The following GRIK4 variants were observed in gnomAD, a reference collection of about 807,000 sequenced individuals.
The protein encoded by GRIK4 is glutamate receptor ionotropic, kainate 4.
GRIK4 carries 40 observed loss-of-function variants against 104.9 expected under a neutral mutation model. That is an observed-to-expected ratio of 0.38 (90% CI 0.30 to 0.50). GRIK4 has a LOEUF of 0.50. Among genes scored for constraint, GRIK4 ranks in the 20% least tolerant of loss-of-function variants. GRIK4 has a pLI of 0.93. For synonymous variants in GRIK4, 485 were observed against 524.9 expected (o/e 0.92, Z 1.04); for missense variants, 1,047 against 1,308.1 (o/e 0.80, Z 3.08).
intron 3 of GRIK4, among the ~76,000 whole-genome samples, chr11:120,697,166 G>A (rs139726767): frequency 3.9e-5 from 6 of 152,184 alleles, no homozygotes; most frequent in African/African-American, 1.4e-4. Context: ...CATGAGTTAC[G>A]CAGTAGGTTC....
chr11:120,517,616 A>G (rs1438288761), intron 1 of GRIK4, among the ~76,000 whole-genome samples: 1 of 128,752 alleles, frequency 7.8e-6, no homozygotes, highest in Non-Finnish European at 1.7e-5. Context: ...GCTGAGTCAC[A>G]GTGGGCATCT....
intron 3 of GRIK4, among the ~76,000 whole-genome samples, chr11:120,788,395 A>AT (rs367825433): frequency 1.3e-5 from 2 of 152,268 alleles, no homozygotes; most frequent in African/African-American, 4.8e-5. Context: ...CACCAGCCAA[A>AT]AAGGCCAGGA....
chr11:120,566,973 T>A (rs1402029360), intron 1 of GRIK4, among the ~76,000 whole-genome samples: 3 of 138,142 alleles, frequency 2.2e-5, no homozygotes, highest in African/African-American at 9.1e-5. Context: ...TCCTAATTTT[T>A]TTTTTTTTTT....
At chr11:120,877,855 T>C (rs550478761) in intron 11 of GRIK4, among the ~76,000 whole-genome samples, 1 of 152,306 alleles carries the variant, frequency 6.6e-6, no homozygotes, top group African/African-American at 2.4e-5. Context: ...TCAGTCCTGC[T>C]TTGTGAGTGC....
chr11:120,788,275 T>TGGA (rs1952329166), intron 3 of GRIK4, among the ~76,000 whole-genome samples: 1 of 152,188 alleles, frequency 6.6e-6, no homozygotes, highest in African/African-American at 2.4e-5. Context: ...AGTGTTTTTC[T>TGGA]CTCACACATA....
intron 7 of GRIK4, among the ~76,000 whole-genome samples, chr11:120,832,594 A>G (rs1953458271): frequency 2.0e-5 from 3 of 152,176 alleles, no homozygotes; most frequent in Admixed American, 6.5e-5. Flanking sequence ...GGAGATGAAC[A>G]GATGCGTCCA....
At chr11:120,738,990 C>G (rs1313688319) in intron 3 of GRIK4, among the ~76,000 whole-genome samples, 4 of 152,126 alleles carry the variant, frequency 2.6e-5, no homozygotes, top group African/African-American at 9.7e-5. Context: ...AAGATCAGAG[C>G]CAAAAAGTTG....
chr11:120,849,098 G>T (rs534321071), intron 8 of GRIK4, among the ~76,000 whole-genome samples: 1 of 152,262 alleles, frequency 6.6e-6, no homozygotes, highest in South Asian at 2.1e-4. Flanking sequence ...CTGAGTTTGA[G>T]ATACTTGTGT....
rs930751718 is a variant in GRIK4 at position 120,952,681 on chromosome 11, G to A, written c.1591-174G>A. Among the ~76,000 whole-genome samples the A allele has an allele frequency of 9.2e-5, 14 of 152,180 alleles. No homozygotes were observed. The South Asian group carries it at 1.5e-3, about 16-fold the overall frequency. On this transcript the variant is annotated intron_variant, in intron 14 of 20. Coordinates refer to ENST00000527524, the MANE Select transcript of GRIK4 (RefSeq NM_014619.5). This position sits in a 1 kb window ranked among gnomAD's most constrained non-coding sequence, Gnocchi z 5.2. Reference sequence around the variant, plus strand: ...GTCAGGGCTGGGTCGTGTCATTTGCGCAGCCCGGCAACACCCTCATTCCCA... The same window carrying A: ...GTCAGGGCTGGGTCGTGTCATTTGCACAGCCCGGCAACACCCTCATTCCCA...
rs902702151 is a variant in GRIK4 at position 120,903,799 on chromosome 11, CCTCA to C, written c.1273-1487_1273-1484del. ...CTAACCTGTCAAAATGCTGAACAGC[CCTCA>C]CTCCTGTGGCACTCGCTCAGTCCTC... On this transcript the variant is annotated intron_variant, in intron 12 of 20. Coordinates refer to ENST00000527524, the MANE Select transcript of GRIK4 (RefSeq NM_014619.5). The surrounding 1 kb of genome is among the most constrained non-coding windows in gnomAD (Gnocchi z 4.4). Among the ~76,000 whole-genome samples the C allele has an allele frequency of 3.8e-4, 58 of 152,164 alleles. No homozygotes were observed. Among genetic ancestry groups the C allele is most frequent in the African/African-American group, 1.3e-3 (55 of 41,448 alleles).
At chr11:120,787,621 C>T (rs1175670780) in intron 3 of GRIK4, among the ~76,000 whole-genome samples, 1 of 151,104 alleles carries the variant, frequency 6.6e-6, no homozygotes, top group Non-Finnish European at 1.5e-5. Context: ...CTCCACCACG[C>T]CCAGCTAATT....
rs535922433 is a variant in GRIK4 at position 120,952,400 on chromosome 11, A to G, written c.1591-455A>G. On this transcript the variant is annotated intron_variant, in intron 14 of 20. Coordinates refer to ENST00000527524, the MANE Select transcript of GRIK4 (RefSeq NM_014619.5). The surrounding 1 kb of genome is among the most constrained non-coding windows in gnomAD (Gnocchi z 5.2). Reference sequence around the variant, plus strand: ...CTCACTGTGTGAGATCACCCTGCAAACAAAACCCAGAGACTCCGGTTGTAT... The same window carrying G: ...CTCACTGTGTGAGATCACCCTGCAAGCAAAACCCAGAGACTCCGGTTGTAT... 2.6e-5 allele frequency among the ~76,000 whole-genome samples: 4 copies of G among 152,308 alleles called. No homozygotes were observed. Among genetic ancestry groups the G allele is most frequent in the Admixed American group, 2.0e-4 (3 of 15,302 alleles).
intron 1 of GRIK4, among the ~76,000 whole-genome samples, chr11:120,582,708 G>A (rs769463575): frequency 1.3e-5 from 2 of 152,098 alleles, no homozygotes; most frequent in African/African-American, 4.8e-5. Context: ...TTATGGCTGC[G>A]TAGTATTCCA....
At chr11:120,761,784 C>T (rs746825633) in intron 3 of GRIK4, among the ~76,000 whole-genome samples, 1 of 151,738 alleles carries the variant, frequency 6.6e-6, no homozygotes, top group Non-Finnish European at 1.5e-5. Context: ...TTTCTGAGGC[C>T]TCTGTTCTGT....
intron 1 of GRIK4, among the ~76,000 whole-genome samples, chr11:120,567,280 C>T (rs1219334449): frequency 6.6e-6 from 1 of 152,138 alleles, no homozygotes; most frequent in Non-Finnish European, 1.5e-5. Flanking sequence ...CCACCTCAGC[C>T]TCCCAAATAG....
chr11:120,967,388 C>G lies in GRIK4; in HGVS notation c.2395+65C>G. ...ACCAAAGTAGCTTGTTTCTCGTGTT[C>G]AAATTCCAGGTACACATAATGACTT... On this transcript the variant is annotated intron_variant, in intron 19 of 20. Coordinates refer to ENST00000527524, the MANE Select transcript of GRIK4 (RefSeq NM_014619.5). The surrounding 1 kb of genome is among the most constrained non-coding windows in gnomAD (Gnocchi z 4.2). 2 of 1,519,132 alleles carry G rather than the reference C, an allele frequency of 1.3e-6. No homozygotes were observed. Among genetic ancestry groups the G allele is most frequent in the South Asian group, 2.5e-5 (2 of 78,788 alleles). The allele number at this position is 1,519,132 out of a possible 1,614,324, so 94.1% of individuals were successfully genotyped here. A position where few individuals can be genotyped will look rare whatever the true frequency, so the allele number is the denominator to read the frequency against.
intron 14 of GRIK4, among the ~76,000 whole-genome samples, chr11:120,945,835 G>A (rs1943845956): frequency 6.6e-6 from 1 of 152,202 alleles, no homozygotes; most frequent in African/African-American, 2.4e-5. Flanking sequence ...GCATCCACCT[G>A]AGAAAGTATC....
At chr11:120,648,918 CG>C (rs1462653131) in intron 1 of GRIK4, among the ~76,000 whole-genome samples, 6 of 152,284 alleles carry the variant, frequency 3.9e-5, no homozygotes, top group Admixed American at 1.3e-4. Context: ...CTTCCTTCTC[CG>C]ACTGGAGTCC....
At chr11:120,889,588 C>CTTTTTTTT (rs776440015) in intron 11 of GRIK4, among the ~76,000 whole-genome samples, 3,275 of 66,814 alleles carry the variant, frequency 0.049, 432 homozygotes, top group East Asian at 0.2. Context: ...AAAGAGCTTA[C>CTTTTTTTT]ATTTTTTTTT....
Sources: allele counts gnomAD v4.1 joint callset (sites outside exome capture counted in the v4.1 genomes callset), GRCh38; gene constraint gnomAD v4.1.1; non-coding constraint Gnocchi (gnomAD v3.1); transcripts MANE v1.5; gene names NCBI Gene and HGNC (gene_info 2026-07-23, HGNC 2026-07-21).